C4orf50: variants seen among roughly 807,000 people sequenced by gnomAD.
C4orf50 encodes uncharacterized protein C4orf50.
C4orf50 carries 80 observed loss-of-function variants against 77.2 expected under a neutral mutation model. That is an observed-to-expected ratio of 1.04 (90% confidence interval 0.87 to 1.25). C4orf50 has a LOEUF of 1.25. Ranked by LOEUF, C4orf50 falls within the 50% of genes most tolerant of loss-of-function variation. The pLI is 0.00. For missense variants in C4orf50, 1,257 were observed against 1,152.9 expected, an observed-to-expected ratio of 1.09 and a Z score of -1.31; for synonymous variants, 532 against 465.3, an observed-to-expected ratio of 1.14 and a Z score of -1.84.
intron 7 of C4orf50, among the ~76,000 whole-genome samples, chr4:5,912,075 C>A (rs1043978000): frequency 3.9e-4 from 19 of 48,120 alleles, no homozygotes; most frequent in African/African-American, 1.5e-3. Context: ...AACAAAAAAA[C>A]CACACAAACA....
chr4:5,928,108 G>C (rs1037636109), intron 7 of C4orf50, among the ~76,000 whole-genome samples: 6 of 152,230 alleles, frequency 3.9e-5, no homozygotes, highest in Admixed American at 3.9e-4. Context: ...AATGTTTATG[G>C]TCCTCTATAA....
chr4:5,994,642 C>T (rs564590490), intron 25 of C4orf50, among the ~76,000 whole-genome samples, 166 bp from the exon 4 acceptor site: 2 of 152,332 alleles, frequency 1.3e-5, no homozygotes, highest in South Asian at 2.1e-4. Context: ...AGCCCAGCCC[C>T]GGCCTTGTGC....
intron 25 of C4orf50, among the ~76,000 whole-genome samples, chr4:5,996,517 C>T (rs1721596770): frequency 6.6e-6 from 1 of 151,636 alleles, no homozygotes; most frequent in Non-Finnish European, 1.5e-5. Flanking sequence ...AGCCTTTGCA[C>T]ACTGTCTGGA....
At chr4:5,917,285 G>A (rs1434546145) in intron 7 of C4orf50, among the ~76,000 whole-genome samples, 1 of 151,606 alleles carries the variant, frequency 6.6e-6, no homozygotes, top group Non-Finnish European at 1.5e-5. Flanking sequence ...AAAATAAAAT[G>A]TGTTTGTGAA....
At chr4:5,985,045 A>C (rs1720786054) in intron 28 of C4orf50, among the ~76,000 whole-genome samples, 1 of 152,178 alleles carries the variant, frequency 6.6e-6, no homozygotes, top group Admixed American at 6.5e-5. Flanking sequence ...TGATTTCTGG[A>C]CAGAAACTAT....
intron 7 of C4orf50, among the ~76,000 whole-genome samples, chr4:5,939,542 C>T (rs74752481): frequency 0.015 from 2,222 of 152,306 alleles, 48 homozygotes; most frequent in African/African-American, 0.051. Context: ...GACATTGATC[C>T]TTTTCTTCTG....
intron 7 of C4orf50, among the ~76,000 whole-genome samples, chr4:5,918,822 T>G (rs1402770859): frequency 6.6e-6 from 1 of 152,222 alleles, no homozygotes; most frequent in Non-Finnish European, 1.5e-5. Context: ...CCAGAACGAC[T>G]GGGGAGCTGC....
At chr4:5,898,851 G>A (rs1716235526) in intron 7 of C4orf50, 1 of 152,166 alleles carries the variant, frequency 6.6e-6, no homozygotes, top group South Asian at 2.1e-4. Context: ...AAAAAATGGT[G>A]TTGGAAAAAA....
chr4:5,990,910 C>G (rs1039555350), intron 27 of C4orf50, 86 bp from the exon 6 acceptor site: 5 of 398,162 alleles, frequency 1.3e-5, no homozygotes, highest in African/African-American at 1.0e-4. Context: ...TGGGGTTCTC[C>G]GTGTTTCCTC....
chr4:5,969,150 C>T (rs1287195455), intron 31 of C4orf50, among the ~76,000 whole-genome samples: 5 of 152,032 alleles, frequency 3.3e-5, no homozygotes, highest in Non-Finnish European at 7.4e-5. Flanking sequence ...CCAGTGATAC[C>T]GAGTAGGGGA....
Position 5,921,621 on chromosome 4 carries a change from C to T in C4orf50, c.*2475-23433G>A, listed in dbSNP as rs537835922. Among the ~76,000 whole-genome samples the T allele has an allele frequency of 4.0e-5, 6 of 151,810 alleles. No homozygotes were observed. In the East Asian group the frequency reaches 5.8e-4, roughly 15 times the overall value. ...GGGTGGGGAGATGCTGAGTGTGTTT[C>T]GGGAGGAGCCACCGGGTGGGTAAGT... On this transcript the variant is annotated intron_variant, in intron 7 of 7. Transcript: ENST00000324058.
Position 6,015,710 on chromosome 4 carries a change from G to A in C4orf50, c.287+2435C>T, listed in dbSNP as rs1445573674. Among the ~76,000 whole-genome samples, 5 of 152,048 alleles carry A rather than the reference G, an allele frequency of 3.3e-5. No homozygotes were observed. Among genetic ancestry groups the A allele is most frequent in the African/African-American group, 1.2e-4 (5 of 41,402 alleles). On this transcript the variant is annotated intron_variant, in intron 23 of 33. Transcript: ENST00000531445. The surrounding 1 kb of genome is among the most constrained non-coding windows in gnomAD (Gnocchi z 4.4). The stretch of plus-strand genomic sequence containing the variant: ...CTGTCAGTGGAGCCAAGCCCTCTCC[G>A]AGGCTGAAGGGGAAATCCAATTCCT...
intron 25 of C4orf50, among the ~76,000 whole-genome samples, chr4:6,004,244 G>T (rs1182661666): frequency 1.4e-5 from 1 of 71,032 alleles, no homozygotes; most frequent in Non-Finnish European, 3.0e-5. Flanking sequence ...GATGATGATG[G>T]TGATGATGGT....
At chr4:5,973,202 A>G (rs4689292) in intron 31 of C4orf50, among the ~76,000 whole-genome samples, 104,737 of 152,078 alleles carry the variant, frequency 0.69, 37,261 homozygotes, top group East Asian at 0.92. Flanking sequence ...TGGAGCACAG[A>G]GGAAGCTGTG....
rs1346622620 is a variant in C4orf50 at position 5,932,367 on chromosome 4, G to A, written c.*2474+24534C>T. On this transcript the variant is annotated intron_variant, in intron 7 of 7. Transcript: ENST00000324058. This position sits in a 1 kb window ranked among gnomAD's most constrained non-coding sequence, Gnocchi z 4.2. ...GCAGGCAGCGGACAGCTTGCCTGGT[G>A]CTGTCCTGGTGCCCAAGTCCTGAAC... 6.6e-6 allele frequency among the ~76,000 whole-genome samples: 1 copy of A among 152,224 alleles called. No homozygotes were observed. The highest frequency in any genetic ancestry group is 1.9e-4 in the East Asian group (1 of 5,186).
chr4:5,973,231 G>A (rs949871088), intron 31 of C4orf50, among the ~76,000 whole-genome samples: 3 of 152,172 alleles, frequency 2.0e-5, no homozygotes, highest in Non-Finnish European at 4.4e-5. Flanking sequence ...TCTGGTCTGC[G>A]GGGCTCAGAG....
intron 31 of C4orf50, among the ~76,000 whole-genome samples, chr4:5,967,667 C>T (rs1719663587): frequency 6.6e-6 from 1 of 152,116 alleles, no homozygotes; most frequent in Non-Finnish European, 1.5e-5. Context: ...TGGTTTTGCT[C>T]TTAGGAAACA....
intron 7 of C4orf50, among the ~76,000 whole-genome samples, chr4:5,909,282 T>A (rs1716691953): frequency 6.6e-6 from 1 of 152,168 alleles, no homozygotes. Context: ...AAAAGCAGGG[T>A]TCGGTGTCCA....
chr4:5,933,100 C>A (rs902797043), intron 7 of C4orf50, among the ~76,000 whole-genome samples: 5 of 152,162 alleles, frequency 3.3e-5, no homozygotes, highest in Non-Finnish European at 5.9e-5. Context: ...TCTTGTGCAT[C>A]CTAAGCAATC....
Sources: allele counts gnomAD v4.1 joint callset (sites outside exome capture counted in the v4.1 genomes callset), GRCh38; gene constraint gnomAD v4.1.1; non-coding constraint Gnocchi (gnomAD v3.1); transcripts MANE v1.5; gene names NCBI Gene and HGNC (gene_info 2026-07-23, HGNC 2026-07-21).